RNF175: variants seen among roughly 807,000 people sequenced by gnomAD.
The protein encoded by RNF175 is ring finger protein 175.
RNF175 carries 38 observed loss-of-function variants against 50.0 expected under a neutral mutation model. The observed-to-expected ratio is 0.76, with a 90% CI of 0.59 to 1.00. The LOEUF is 1.00. Among genes scored for constraint, RNF175 ranks in the 50% least tolerant of loss-of-function variants. RNF175 has a pLI of 0.00. For synonymous variants in RNF175, 155 were observed against 146.1 expected, an observed-to-expected ratio of 1.06 and a Z score of -0.44; for missense variants, 388 against 409.6, an observed-to-expected ratio of 0.95 and a Z score of 0.46.
At chr4:153,726,267 G>A (rs1475166298) in intron 4 of RNF175, among the ~76,000 whole-genome samples, 2 of 152,106 alleles carry the variant, frequency 1.3e-5, no homozygotes, top group Non-Finnish European at 2.9e-5. Context: ...ACCACACCCA[G>A]CTACTTTTTG....
At chr4:153,728,127 C>A in intron 4 of RNF175, 80 bp downstream of exon 4, 2 of 1,114,492 alleles carry the variant, frequency 1.8e-6, no homozygotes, top group Non-Finnish European at 2.5e-6. Flanking sequence ...ACTCCCCAAC[C>A]CAGGAAAATG....
chr4:153,744,355 G>A (rs1444940441), intron 3 of RNF175, among the ~76,000 whole-genome samples: 1 of 152,052 alleles, frequency 6.6e-6, no homozygotes, highest in Non-Finnish European at 1.5e-5. Flanking sequence ...CCGGGAGGTG[G>A]AGGTTGCAGT....
rs751076153 is a variant in RNF175 at position 153,712,477 on chromosome 4, A to G, written c.864T>C (p.Asn288=). 6.4e-7 allele frequency: 1 copy of G among 1,561,498 alleles called. No homozygotes were observed. The highest frequency in any genetic ancestry group is 1.4e-5 in the African/African-American group (1 of 74,018). The change falls in exon 8 of 9, where the codon AAT becomes AAC. Residue 288 remains asparagine, a splice_region_variant and synonymous_variant. Coordinates refer to ENST00000347063, the MANE Select transcript of RNF175 (RefSeq NM_173662.4). Reference sequence around the variant, plus strand: ...AACCTTTTTGTTTTAAAGGATATGGATTACTGATCATCCTCTTCAAATCAA... The same window carrying G: ...AACCTTTTTGTTTTAAAGGATATGGGTTACTGATCATCCTCTTCAAATCAA... ...EKVDLKRMIS[N]PWERTHFLYG...
intron 4 of RNF175, among the ~76,000 whole-genome samples, chr4:153,724,890 A>T (rs369666517): frequency 6.7e-6 from 1 of 148,634 alleles, no homozygotes; most frequent in East Asian, 2.0e-4. Flanking sequence ...CCCAGGGGGG[A>T]GTAGGCAGGG....
At chr4:153,752,191 G>T (rs777068613) in intron 1 of RNF175, among the ~76,000 whole-genome samples, 1 of 152,232 alleles carries the variant, frequency 6.6e-6, no homozygotes, top group African/African-American at 2.4e-5. Context: ...TTGGAAAGAC[G>T]TAATCGTGTA....
At chr4:153,720,080 A>C in intron 6 of RNF175, 104 bp downstream of exon 6, 2 of 1,222,380 alleles carry the variant, frequency 1.6e-6, no homozygotes, top group Non-Finnish European at 2.3e-6. Flanking sequence ...TAATCAGTAT[A>C]TGGAGAAAGA....
At chr4:153,722,385 T>C (rs1738392326) in intron 5 of RNF175, among the ~76,000 whole-genome samples, 1 of 152,238 alleles carries the variant, frequency 6.6e-6, no homozygotes, top group East Asian at 1.9e-4. Flanking sequence ...TTTTTAAAAC[T>C]CCCCATCTAT....
At chr4:153,714,103 T>C (rs1331631458) in intron 7 of RNF175, 2 of 152,226 alleles carry the variant, frequency 1.3e-5, no homozygotes, top group African/African-American at 4.8e-5. Context: ...CATTTTAGAT[T>C]ATATATGCAC....
At chr4:153,718,514 T>C (rs1017775397) in intron 6 of RNF175, among the ~76,000 whole-genome samples, 33 of 152,036 alleles carry the variant, frequency 2.2e-4, no homozygotes, top group Non-Finnish European at 3.7e-4. Flanking sequence ...ACTGGTCGGG[T>C]TGGATCAGGT....
chr4:153,746,219 A>C (rs916087902), intron 3 of RNF175, among the ~76,000 whole-genome samples: 2 of 152,262 alleles, frequency 1.3e-5, no homozygotes, highest in African/African-American at 2.4e-5. Context: ...ATAGGCAAGA[A>C]GAAAGGAGTA....
At chr4:153,716,704 G>A (rs1352200530) in intron 6 of RNF175, among the ~76,000 whole-genome samples, 5 of 152,156 alleles carry the variant, frequency 3.3e-5, no homozygotes, top group African/African-American at 1.2e-4. Context: ...ACACATTTGT[G>A]GGCAAGTCAG....
chr4:153,744,350 A>G (rs1739852093), intron 3 of RNF175, among the ~76,000 whole-genome samples: 1 of 151,974 alleles, frequency 6.6e-6, no homozygotes, highest in Non-Finnish European at 1.5e-5. Context: ...TGAACCCGGG[A>G]GGTGGAGGTT....
chr4:153,715,421 G>T (rs1321685432), intron 7 of RNF175, 108 bp downstream of exon 7: 3 of 1,073,984 alleles, frequency 2.8e-6, no homozygotes, highest in Non-Finnish European at 1.4e-6. Context: ...TGGGGTTTGG[G>T]CATGGAAGGT....
intron 4 of RNF175, among the ~76,000 whole-genome samples, chr4:153,726,016 T>C (rs1738673818): frequency 6.6e-6 from 1 of 152,158 alleles, no homozygotes; most frequent in African/African-American, 2.4e-5. Flanking sequence ...AAAGGAAAGC[T>C]TGGCCTTGGG....
intron 3 of RNF175, among the ~76,000 whole-genome samples, chr4:153,739,938 C>T (rs1444062990): frequency 6.6e-6 from 1 of 151,938 alleles, no homozygotes; most frequent in Non-Finnish European, 1.5e-5. Context: ...TTTTCAGTTC[C>T]ATTATCTCTT....
At chr4:153,715,141 G>T (rs1579028682) in intron 7 of RNF175, 6 of 329,302 alleles carry the variant, frequency 1.8e-5, no homozygotes, top group Non-Finnish European at 2.4e-5. Flanking sequence ...CACTTGGATA[G>T]TCTTAAGTTC....
rs28793352 is a variant in RNF175 at position 153,737,868 on chromosome 4, G to A, written c.247-9507C>T. Reference sequence around the variant, plus strand: ...TTATGTCCTTACTAATTTTATGCCTGCTTGATCCATCAACTACTAAAAGAT... The same window carrying A: ...TTATGTCCTTACTAATTTTATGCCTACTTGATCCATCAACTACTAAAAGAT... On this transcript the variant is annotated intron_variant, in intron 3 of 8. Transcript: ENST00000347063. Among the ~76,000 whole-genome samples the A allele has an allele frequency of 4.4e-3, 668 of 152,262 alleles. 8 individuals are homozygous for A. The highest frequency in any genetic ancestry group is 0.015 in the African/African-American group (642 of 41,564).
chr4:153,750,710 A>C (rs1487679379), intron 2 of RNF175, among the ~76,000 whole-genome samples: 1 of 152,214 alleles, frequency 6.6e-6, no homozygotes, highest in Admixed American at 6.5e-5. Flanking sequence ...GGGAAGAAAA[A>C]TGAAAAGAAT....
At chr4:153,735,553 C>T (rs1739310175) in intron 3 of RNF175, among the ~76,000 whole-genome samples, 1 of 152,286 alleles carries the variant, frequency 6.6e-6, no homozygotes, top group African/African-American at 2.4e-5. Flanking sequence ...TGTTGACATA[C>T]ACAAAGTACC....
Sources: allele counts gnomAD v4.1 joint callset (sites outside exome capture counted in the v4.1 genomes callset), GRCh38; gene constraint gnomAD v4.1.1; transcripts MANE v1.5; gene names NCBI Gene and HGNC (gene_info 2026-07-23, HGNC 2026-07-21).